Variants in AP2A2 observed in about 807,000 individuals in gnomAD.
The protein encoded by AP2A2 is adaptor related protein complex 2 subunit alpha 2, also known as AP-2 complex subunit alpha-2.
A neutral mutation model predicts 104.2 loss-of-function variants in AP2A2; 32 were observed. The ratio of observed to expected loss-of-function variants is 0.31; its 90% CI spans 0.23 to 0.41. The LOEUF (loss-of-function observed/expected upper bound fraction) is 0.41, where lower values mean the gene tolerates loss of function less well. Ranked by LOEUF, AP2A2 falls within the 10% of genes least tolerant of loss-of-function variation. AP2A2 has a pLI of 1.00. For synonymous variants in AP2A2, 539 were observed against 533.3 expected (o/e 1.01, Z -0.15); for missense variants, 912 against 1,261.0 (o/e 0.72, Z 4.19).
chr11:1,000,095 C>T (rs560321427), intron 14 of AP2A2, among the ~76,000 whole-genome samples: 49 of 152,204 alleles, frequency 3.2e-4, no homozygotes, highest in African/African-American at 1.1e-3. Flanking sequence ...TGTGAGCCAC[C>T]GCGTCTGGCC....
At chr11:978,440 T>C (rs955608543) in intron 5 of AP2A2, among the ~76,000 whole-genome samples, 1 of 152,224 alleles carries the variant, frequency 6.6e-6, no homozygotes, top group Non-Finnish European at 1.5e-5. Flanking sequence ...TTGGATACTT[T>C]ATGATTCTGT....
chr11:977,239 C>A lies in AP2A2; in HGVS notation c.603+15C>A. ...ACCAGCACTTGGTAAGCACCCTTGG[C>A]TTTGGTTCTCCCCGCTCCCCCAGGT... On this transcript the variant is annotated intron_variant, in intron 5 of 21. Coordinates refer to ENST00000448903, the MANE Select transcript of AP2A2 (RefSeq NM_012305.4). 6.4e-7 allele frequency: 1 copy of A among 1,571,620 alleles called. No individual in the cohort carries two copies. Among genetic ancestry groups the A allele is most frequent in the Middle Eastern group, 1.7e-4 (1 of 5,878 alleles).
chr11:959,999 A>T (rs1854375511), intron 2 of AP2A2, among the ~76,000 whole-genome samples: 1 of 152,204 alleles, frequency 6.6e-6, no homozygotes, highest in African/African-American at 2.4e-5. Context: ...TTGAAACCCC[A>T]GTTAATCCTT....
chr11:938,344 G>T (rs1256222092), intron 1 of AP2A2, among the ~76,000 whole-genome samples: 1 of 152,116 alleles, frequency 6.6e-6, no homozygotes, highest in Admixed American at 6.5e-5. Flanking sequence ...TTAACCCCTT[G>T]TAGTTTATTT....
chr11:945,416 C>T (rs1853799636), intron 1 of AP2A2, among the ~76,000 whole-genome samples: 1 of 152,178 alleles, frequency 6.6e-6, no homozygotes. Flanking sequence ...TCACTGCAAC[C>T]TCCACCTCCT....
intron 4 of AP2A2, among the ~76,000 whole-genome samples, chr11:973,260 C>T (rs981282495): frequency 5.9e-5 from 9 of 152,174 alleles, no homozygotes; most frequent in East Asian, 1.9e-4. Flanking sequence ...GGTACTGGGC[C>T]GTGTCTTGGG....
intron 14 of AP2A2, among the ~76,000 whole-genome samples, chr11:999,832 C>G (rs1176030828): frequency 7.8e-6 from 1 of 128,952 alleles, no homozygotes; most frequent in Admixed American, 9.3e-5. Flanking sequence ...GAGATGGAGT[C>G]TCGCTCTGTC....
chr11:957,079 C>T (rs1275485711), intron 1 of AP2A2: 2 of 152,242 alleles, frequency 1.3e-5, no homozygotes, highest in Non-Finnish European at 2.9e-5. Flanking sequence ...GCATGACAGA[C>T]TGTGAATGGA....
intron 10 of AP2A2, among the ~76,000 whole-genome samples, chr11:991,873 T>C (rs964586566): frequency 6.6e-6 from 1 of 152,094 alleles, no homozygotes; most frequent in African/African-American, 2.4e-5. Context: ...CGAAGGGGGC[T>C]TGGTTCCAGG....
intron 1 of AP2A2, among the ~76,000 whole-genome samples, chr11:950,329 T>TC (rs1854009099): frequency 6.6e-6 from 1 of 150,976 alleles, no homozygotes; most frequent in Non-Finnish European, 1.5e-5. Context: ...TTTTTTTTTT[T>TC]GACAGAGTTT....
intron 5 of AP2A2, 60 bp from the exon 6 acceptor site, chr11:981,138 G>C: frequency 7.0e-7 from 1 of 1,427,104 alleles, no homozygotes; most frequent in Non-Finnish European, 9.6e-7. Flanking sequence ...TTTGGAAGAT[G>C]AGTGAACACA....
At chr11:930,193 G>A (rs929342720) in intron 1 of AP2A2, among the ~76,000 whole-genome samples, 7 of 150,876 alleles carry the variant, frequency 4.6e-5, no homozygotes, top group African/African-American at 1.5e-4. Flanking sequence ...GTGGACACTA[G>A]GATGCTCTGT....
In AP2A2 at chr11:925,940, C is replaced by G. The variant is rs547071397; in HGVS notation, c.-82C>G. 9 of 1,112,664 alleles carry G rather than the reference C, an allele frequency of 8.1e-6. No individual in the cohort carries two copies. The highest frequency in any genetic ancestry group is 2.3e-5 in the South Asian group (1 of 43,922). 68.9% of individuals were successfully genotyped at this position (1,112,664 alleles called of 1,614,324 possible). A position where few individuals can be genotyped will look rare whatever the true frequency, so the allele number is the denominator to read the frequency against. ...CCCGGCGGCTCCTCCGCGGCGGTGA[C>G]GGCGACCGCACTCCCCGCTTCCCGC... On this transcript the variant is annotated 5_prime_UTR_variant, in exon 1 of 22. Transcript: ENST00000448903.
At chr11:1,000,855 G>T (rs1023179079) in intron 15 of AP2A2, among the ~76,000 whole-genome samples, 1 of 152,232 alleles carries the variant, frequency 6.6e-6, no homozygotes, top group Non-Finnish European at 1.5e-5. Context: ...CACTGTCTGG[G>T]TGGTGGTTGT....
rs1855548739 is a variant in AP2A2 at position 988,762 on chromosome 11, C to G, written c.1269+73C>G. 7 of 1,561,430 alleles carry G rather than the reference C, an allele frequency of 4.5e-6. No homozygotes were observed. The Admixed American group carries it at 5.0e-5, about 11-fold the overall frequency. ...TCAGCGGCAGGATTTCCTTCGTGCT[C>G]TGCGATTCCGTCCAGCAGGACTTGA... On this transcript the variant is annotated intron_variant, in intron 10 of 21. Transcript: ENST00000448903.
rs114355701 is a variant in AP2A2, at chr11:970,379, C to T, written c.279+68C>T. ...CCTGGCAGGACTGAGGCCCGGTGCCCGTGTAGGGCCGCTGCTTCCTTCTCT... is the reference window on the plus strand; with the variant it reads ...CCTGGCAGGACTGAGGCCCGGTGCCTGTGTAGGGCCGCTGCTTCCTTCTCT... On this transcript the variant is annotated intron_variant, in intron 3 of 21. Coordinates refer to ENST00000448903, the MANE Select transcript of AP2A2 (RefSeq NM_012305.4). The T allele has an allele frequency of 1.5e-3, 2,309 of 1,558,736 alleles. 38 individuals carry two copies. In the African/African-American group the frequency reaches 0.028, roughly 19 times the overall value.
At chr11:937,328 T>C (rs1304989158) in intron 1 of AP2A2, among the ~76,000 whole-genome samples, 2 of 152,112 alleles carry the variant, frequency 1.3e-5, no homozygotes, top group African/African-American at 4.8e-5. Context: ...CCTATTGTTA[T>C]TTACCACTGA....
intron 2 of AP2A2, among the ~76,000 whole-genome samples, chr11:965,968 G>C (rs148033496): frequency 2.6e-5 from 4 of 152,298 alleles, no homozygotes; most frequent in Admixed American, 1.3e-4. Context: ...CACCTCCCGA[G>C]TGGCTAGGGC....
intron 2 of AP2A2, among the ~76,000 whole-genome samples, chr11:962,937 C>T (rs1854491112): frequency 6.6e-6 from 1 of 152,044 alleles, no homozygotes; most frequent in Non-Finnish European, 1.5e-5. Flanking sequence ...AATGTGCTGC[C>T]TGAGGCCTGC....
Sources: gnomAD v4.1 joint callset for allele counts (sites outside exome capture counted in the v4.1 genomes callset) on GRCh38, gnomAD v4.1.1 for gene constraint, MANE v1.5 for transcripts, NCBI Gene and HGNC (gene_info 2026-07-23, HGNC 2026-07-21) for gene names.